ANO9: variants seen among roughly 807,000 people sequenced by gnomAD.
The protein encoded by ANO9 is anoctamin 9.
ANO9 carries 80 observed loss-of-function variants against 100.5 expected under a neutral mutation model. The observed-to-expected ratio is 0.80, with a 90% CI of 0.66 to 0.96. The LOEUF (loss-of-function observed/expected upper bound fraction) is 0.96. Ranked by LOEUF, ANO9 falls within the 40% of genes least tolerant of loss-of-function variation. ANO9 has a pLI of 0.00. For missense variants in ANO9, 1,064 were observed against 1,072.7 expected (o/e 0.99, Z 0.11); for synonymous variants, 473 against 435.6 (o/e 1.09, Z -1.07).
intron 17 of ANO9, 35 bp from the exon 18 acceptor site, chr11:420,895 G>A (rs1848138176): frequency 1.3e-6 from 2 of 1,590,546 alleles, no homozygotes; most frequent in East Asian, 2.3e-5. Flanking sequence ...GAGGGCGCAG[G>A]GGGCGGAGGG....
intron 19 of ANO9, 128 bp downstream of exon 19, chr11:420,335 G>C (rs1848096406): frequency 6.7e-7 from 1 of 1,483,792 alleles, no homozygotes; most frequent in South Asian, 1.3e-5. Flanking sequence ...GTCGGAGAAG[G>C]GCTGGGGGCT....
In ANO9 at chr11:420,204, TC is replaced by T. The variant is rs200508304; in HGVS notation, c.1786+258del. The T allele has an allele frequency of 1.4e-3, 1,967 of 1,401,392 alleles. 24 individuals carry two copies. The African/African-American group carries it at 0.024, about 17-fold the overall frequency. The allele number at this position is 1,401,392 out of a possible 1,614,324, so 86.8% of individuals were successfully genotyped here. A position where few individuals can be genotyped will look rare whatever the true frequency, so the allele number is the denominator to read the frequency against. ...GCCCCAGCCACTGGCAGAACCTGGG[TC>T]CCCCTTGGGGGCGTCAAGCCCCTCT... On this transcript the variant is annotated intron_variant, in intron 19 of 22. Transcript: ENST00000332826.
rs755974087 is a variant in ANO9, at chr11:430,146, CAT to C, written c.706_707del (p.Met236ValfsTer27). On this transcript the variant is annotated frameshift_variant, in exon 9 of 23. Coordinates refer to ENST00000332826, the MANE Select transcript of ANO9 (RefSeq NM_001012302.3). LOFTEE classifies it high-confidence loss of function. ...KEICEAHDIL[M>X]CPLGDHSRRY... is the part of the protein sequence containing the mutation. ...TGCGGCTGTGGTCGCCGAGGGGACA[CAT>C]GAGGATGTCGTGGGCCTCACAGATC... 10 of 1,553,832 alleles carry C rather than the reference CAT, an allele frequency of 6.4e-6. No individual in the cohort carries two copies. The highest frequency in any genetic ancestry group is 8.7e-6 in the Non-Finnish European group (10 of 1,149,166).
intron 3 of ANO9, 149 bp from the exon 4 acceptor site, chr11:433,608 C>T: frequency 6.2e-6 from 9 of 1,455,030 alleles, no homozygotes; most frequent in Non-Finnish European, 8.3e-6. Flanking sequence ...TGGCCCAGAG[C>T]CACGGAGCTG....
chr11:434,122 G>A (rs1849264901), intron 1 of ANO9, 24 bp from the exon 2 acceptor site: 5 of 1,548,442 alleles, frequency 3.2e-6, no homozygotes, highest in African/African-American at 1.4e-5. Flanking sequence ...GGCAGAGAAA[G>A]GGATAGGAGG....
At chr11:419,765 C>A (rs189271624) in intron 19 of ANO9, 36 bp from the exon 20 acceptor site, 6 of 1,568,628 alleles carry the variant, frequency 3.8e-6, no homozygotes, top group Admixed American at 3.4e-5. Flanking sequence ...TCTGACTCAG[C>A]GTCCCTCGGC....
intron 1 of ANO9, among the ~76,000 whole-genome samples, chr11:439,945 C>T (rs780015992): frequency 3.3e-5 from 5 of 152,216 alleles, no homozygotes; most frequent in African/African-American, 4.8e-5. Flanking sequence ...CAGTGCGTGG[C>T]GTTCGTGGAC....
At chr11:431,496 C>CG (rs1848981518) in intron 7 of ANO9, among the ~76,000 whole-genome samples, 198 bp downstream of exon 7, 2 of 17,970 alleles carry the variant, frequency 1.1e-4, no homozygotes, top group African/African-American at 5.2e-4. Context: ...GGTGTGGGGG[C>CG]TCCCGCGGGT....
intron 1 of ANO9, among the ~76,000 whole-genome samples, chr11:441,235 G>A (rs1845847899): frequency 6.6e-6 from 1 of 152,244 alleles, no homozygotes; most frequent in Non-Finnish European, 1.5e-5. Context: ...GGCCGACCAG[G>A]TGCTGACCTG....
Position 434,015 on chromosome 11 carries a change from G to C in ANO9, c.81+9C>G. 1.9e-6 allele frequency: 3 copies of C among 1,550,444 alleles called. No individual in the cohort carries two copies. The highest frequency in any genetic ancestry group is 2.6e-6 in the Non-Finnish European group (3 of 1,147,044). On this transcript the variant is annotated intron_variant, in intron 2 of 22. Coordinates refer to ENST00000332826, the MANE Select transcript of ANO9 (RefSeq NM_001012302.3). The stretch of plus-strand genomic sequence containing the variant: ...AGGTGGGGCCCGGGAGGGGCCCCCG[G>C]ACACCCACCTCACAGGTGCTGATCT...
chr11:435,261 A>AGTC (rs1564931657), intron 1 of ANO9, among the ~76,000 whole-genome samples: 37 of 150,232 alleles, frequency 2.5e-4, no homozygotes, highest in African/African-American at 8.6e-4. Context: ...CTAGTATGGT[A>AGTC]TAGTCTAGTC....
chr11:433,433 G>T lies in ANO9; in HGVS notation c.231C>A (p.Phe77Leu). The T allele has an allele frequency of 6.2e-7, 1 of 1,613,322 alleles. No individual in the cohort carries two copies. Among genetic ancestry groups the T allele is most frequent in the Non-Finnish European group, 8.5e-7 (1 of 1,179,890 alleles). Residue 77 changes from phenylalanine to leucine, a missense_variant, in exon 4 of 23, where the codon TTC (phenylalanine) becomes TTA (leucine). By Grantham distance (22) the Phe-to-Leu change is conservative. Transcript: ENST00000332826. ...CACTGTTGTCAGCACGGATCCCAAA[G>T]AAGACCTGTTTCTGGTCCCGGATCA... ...IKVIRDQKQV[F>L]FGIRADNSVF...
At chr11:420,643 C>G in intron 18 of ANO9, 28 bp from the exon 19 acceptor site, 1 of 1,601,728 alleles carries the variant, frequency 6.2e-7, no homozygotes. Context: ...GGCTCACCGG[C>G]GCCCCGCACT....
chr11:434,049 G>C lies in ANO9; in HGVS notation c.56C>G (p.Pro19Arg). 6.4e-7 allele frequency: 1 copy of C among 1,551,090 alleles called. No homozygotes were observed. Among genetic ancestry groups the C allele is most frequent in the Non-Finnish European group, 8.7e-7 (1 of 1,147,394 alleles). The change falls in exon 2 of 23, where the codon CCG (proline) becomes CGG (arginine). Residue 19 changes from proline to arginine, a missense_variant. Physicochemically the swap from Pro to Arg is moderately radical, Grantham distance 103. Coordinates refer to ENST00000332826, the MANE Select transcript of ANO9 (RefSeq NM_001012302.3). ...ILVEPEGDSF[P>R]LMEISTCETE... ...CTCACAGGTGCTGATCTCCATCAGC[G>C]GGAAGCTGTCCCCTTCGGGCTCCAC... is the stretch of plus-strand genomic sequence containing the variant.
Position 420,460 on chromosome 11 carries a change from G to T in ANO9, c.1786+3C>A, listed in dbSNP as rs1337180848. The stretch of plus-strand genomic sequence containing the variant: ...CGCCCATCCTGCGCCCGCCCGGTCT[G>T]ACCGATGTCCTTGGCCTTGCGCGGC... On this transcript the variant is annotated splice_donor_region_variant and intron_variant, in intron 19 of 22. Transcript: ENST00000332826. 1 of 1,601,346 alleles carries T rather than the reference G, an allele frequency of 6.2e-7. No homozygotes were observed. The highest frequency in any genetic ancestry group is 1.1e-5 in the South Asian group (1 of 90,862).
At chr11:433,598 T>G (rs1371783297) in intron 3 of ANO9, 139 bp from the exon 4 acceptor site, 2 of 1,466,124 alleles carry the variant, frequency 1.4e-6, no homozygotes, top group African/African-American at 2.9e-5. Flanking sequence ...TCTGCCGCTG[T>G]GGCCCAGAGC....
intron 19 of ANO9, 158 bp downstream of exon 19, chr11:420,305 C>T (rs1224792758): frequency 6.2e-6 from 9 of 1,452,208 alleles, no homozygotes; most frequent in East Asian, 5.0e-5. Context: ...CCCACCCAGG[C>T]TCAACCCGCA....
intron 1 of ANO9, among the ~76,000 whole-genome samples, chr11:438,133 C>T (rs1002863713): frequency 2.0e-4 from 30 of 152,106 alleles, no homozygotes; most frequent in African/African-American, 5.3e-4. Context: ...GATGACCCCA[C>T]GCCTCTGCAA....
rs1564944953 is a variant in ANO9 at position 441,858 on chromosome 11, GC to G, written c.6+62del. 3.8e-6 allele frequency: 6 copies of G among 1,577,312 alleles called. No individual in the cohort carries two copies. In the African/African-American group the frequency reaches 4.0e-5, roughly 11 times the overall value. ...GGCTGGCGGGGGGCTGGGGCCGGGGGCCCCAGGTGTGGGCGTGGCTGGGGGC... is the reference window on the plus strand; with the variant it reads ...GGCTGGCGGGGGGCTGGGGCCGGGGGCCCAGGTGTGGGCGTGGCTGGGGGC... On this transcript the variant is annotated intron_variant, in intron 1 of 22. Transcript: ENST00000332826.
Sources: gnomAD v4.1 joint callset for allele counts (sites outside exome capture counted in the v4.1 genomes callset) on GRCh38, gnomAD v4.1.1 for gene constraint, MANE v1.5 for transcripts, NCBI Gene and HGNC (gene_info 2026-07-23, HGNC 2026-07-21) for gene names.